CCNY: variants seen among roughly 807,000 people sequenced by gnomAD.
The protein encoded by CCNY is cyclin-Y.
CCNY carries 19 observed loss-of-function variants against 42.8 expected under a neutral mutation model. The ratio of observed to expected loss-of-function variants is 0.44; its 90% CI spans 0.31 to 0.65. The LOEUF is 0.65. Among genes scored for constraint, CCNY ranks in the 30% least tolerant of loss-of-function variants. The pLI, the probability that CCNY is intolerant of heterozygous loss-of-function variation, is 0.07. For missense variants in CCNY, 370 were observed against 437.3 expected (o/e 0.85, Z 1.37); for synonymous variants, 165 against 162.7 (o/e 1.01, Z -0.11).
chr10:35,567,516 C>T (rs186766457), intron 9 of CCNY, among the ~76,000 whole-genome samples: 73 of 152,240 alleles, frequency 4.8e-4, no homozygotes, highest in African/African-American at 1.7e-3. Context: ...AGAGTGTTTC[C>T]GAGTGGTGGA....
chr10:35,335,598 C>A (rs986109505), upstream of CCNY, among the ~76,000 whole-genome samples: 1 of 152,020 alleles, frequency 6.6e-6, no homozygotes, highest in Admixed American at 6.6e-5. Flanking sequence ...GGCTCATGCC[C>A]GTAATCCCAT....
At chr10:35,473,138 C>T (rs1424225476) in intron 1 of CCNY, among the ~76,000 whole-genome samples, 1 of 152,238 alleles carries the variant, frequency 6.6e-6, no homozygotes, top group East Asian at 1.9e-4. Flanking sequence ...CTAGCTGGTT[C>T]TGCACTCTGA....
chr10:35,432,270 G>T (rs1354142119), intron 1 of CCNY, among the ~76,000 whole-genome samples: 2 of 152,208 alleles, frequency 1.3e-5, no homozygotes, highest in African/African-American at 2.4e-5. Context: ...TTTGTAAAAT[G>T]AGAATAATGA....
chr10:35,460,250 CTATT>C (rs1743985494), intron 1 of CCNY, among the ~76,000 whole-genome samples: 3 of 152,352 alleles, frequency 2.0e-5, no homozygotes, highest in East Asian at 3.9e-4. Flanking sequence ...TCGTATATCT[CTATT>C]TAGTTATTGA....
intron 1 of CCNY, among the ~76,000 whole-genome samples, chr10:35,371,335 C>T (rs1836932638): frequency 1.3e-5 from 2 of 152,178 alleles, no homozygotes; most frequent in Admixed American, 1.3e-4. Context: ...TCAATTGTGG[C>T]CACACTAGTT....
intron 3 of CCNY, among the ~76,000 whole-genome samples, chr10:35,270,197 A>T (rs1215013470): frequency 6.6e-6 from 1 of 152,098 alleles, no homozygotes; most frequent in African/African-American, 2.4e-5. Flanking sequence ...ATTCAGGGTG[A>T]AAAAAGGAGT....
At chr10:35,486,853 C>G (rs1023355000) in intron 2 of CCNY, among the ~76,000 whole-genome samples, 1 of 152,232 alleles carries the variant, frequency 6.6e-6, no homozygotes, top group Non-Finnish European at 1.5e-5. Context: ...CTTCTGTCCT[C>G]CAGGCTCCTC....
chr10:35,307,712 A>G (rs1465973590), intron 3 of CCNY, among the ~76,000 whole-genome samples: 2 of 150,592 alleles, frequency 1.3e-5, no homozygotes, highest in East Asian at 1.9e-4. Flanking sequence ...ATATGTATAT[A>G]TATACACACA....
intron 1 of CCNY, among the ~76,000 whole-genome samples, chr10:35,351,506 G>A (rs376855985): frequency 1.3e-5 from 2 of 152,136 alleles, no homozygotes; most frequent in East Asian, 1.9e-4. Flanking sequence ...AGTTAAATAC[G>A]TTCTTTAGTT....
intron 3 of CCNY, among the ~76,000 whole-genome samples, chr10:35,292,841 G>A (rs562095767): frequency 5.5e-5 from 8 of 145,924 alleles, no homozygotes; most frequent in Non-Finnish European, 9.0e-5. Flanking sequence ...GCTGGAGTGC[G>A]ATGGAGCGAT....
chr10:35,394,841 GAA>G (rs1232232603), intron 1 of CCNY: 5 of 985,222 alleles, frequency 5.1e-6, no homozygotes, highest in Non-Finnish European at 6.0e-6. Flanking sequence ...GAAAGCAGGA[GAA>G]AGTGTTTCAT....
chr10:35,366,930 A>G (rs1046347642), intron 1 of CCNY, among the ~76,000 whole-genome samples: 1 of 152,222 alleles, frequency 6.6e-6, no homozygotes, highest in Non-Finnish European at 1.5e-5. Context: ...ACCATTGCTA[A>G]TTCCTTGAAT....
In CCNY at chr10:35,330,323, G is replaced by A. The variant is rs534923128; in HGVS notation, c.-9+79697G>A. 1.4e-4 allele frequency among the ~76,000 whole-genome samples: 21 copies of A among 152,274 alleles called. No individual in the cohort carries two copies. In the South Asian group the frequency reaches 3.5e-3, roughly 26 times the overall value. Reference sequence around the variant, plus strand: ...TTTTCATGGGCCTAATCTGCCTCTTGGGTGAATCATTTCTTTTTCCTACCT... The same window carrying A: ...TTTTCATGGGCCTAATCTGCCTCTTAGGTGAATCATTTCTTTTTCCTACCT... On this transcript the variant is annotated intron_variant, in intron 3 of 11. Coordinates refer to the CCNY transcript ENST00000374706.
At chr10:35,512,362 G>T (rs1000345817) in intron 3 of CCNY, among the ~76,000 whole-genome samples, 1 of 152,120 alleles carries the variant, frequency 6.6e-6, no homozygotes, top group African/African-American at 2.4e-5. Context: ...ATGAGAGTGG[G>T]TGAGAGTCCC....
At chr10:35,294,775 T>C (rs921172478) in intron 3 of CCNY, among the ~76,000 whole-genome samples, 4 of 152,232 alleles carry the variant, frequency 2.6e-5, no homozygotes, top group Non-Finnish European at 5.9e-5. Flanking sequence ...TTGGGAAGCA[T>C]TTTATACCCT....
intron 3 of CCNY, among the ~76,000 whole-genome samples, chr10:35,269,030 A>G (rs995872397): frequency 2.0e-5 from 3 of 152,174 alleles, no homozygotes; most frequent in Non-Finnish European, 4.4e-5. Context: ...TTCTATGCGT[A>G]CTTATCTCCT....
intron 1 of CCNY, among the ~76,000 whole-genome samples, chr10:35,410,423 G>A (rs1487940852): frequency 6.6e-6 from 1 of 152,040 alleles, no homozygotes; most frequent in Non-Finnish European, 1.5e-5. Context: ...TGAACCAGAC[G>A]CTAAGAGAAC....
At chr10:35,458,372 C>G (rs1350729424) in intron 1 of CCNY, among the ~76,000 whole-genome samples, 1 of 152,200 alleles carries the variant, frequency 6.6e-6, no homozygotes, top group Non-Finnish European at 1.5e-5. Flanking sequence ...TGTTCCAGCC[C>G]ATACAGAGTT....
intron 2 of CCNY, among the ~76,000 whole-genome samples, chr10:35,492,063 C>T (rs1839910050): frequency 6.6e-6 from 1 of 152,180 alleles, no homozygotes; most frequent in Admixed American, 6.5e-5. Flanking sequence ...TTCCTCCTTC[C>T]TCACCCAGTC....
Sources: allele counts gnomAD v4.1 joint callset (sites outside exome capture counted in the v4.1 genomes callset), GRCh38; gene constraint gnomAD v4.1.1; transcripts MANE v1.5; gene names NCBI Gene and HGNC (gene_info 2026-07-23, HGNC 2026-07-21).